ZRANB3: variants seen among roughly 807,000 people sequenced by gnomAD.
The protein encoded by ZRANB3 is DNA annealing helicase and endonuclease ZRANB3.
Under a neutral mutation model 133.8 loss-of-function variants are expected in ZRANB3, and 125 were observed. That is an observed-to-expected ratio of 0.93 (90% CI 0.81 to 1.08). The LOEUF (loss-of-function observed/expected upper bound fraction) is 1.08, where lower values mean the gene tolerates loss of function less well. ZRANB3 is among the 50% of genes least tolerant of loss of function. The probability of loss-of-function intolerance (pLI) is 0.00; values close to 1 mark genes in which losing one functional copy is unlikely to be tolerated. For synonymous variants in ZRANB3, 387 were observed against 432.7 expected (o/e 0.89, Z 1.31); for missense variants, 1,229 against 1,275.5 (o/e 0.96, Z 0.56).
chr2:135,436,227 T>G (rs1282707614), intron 2 of ZRANB3, among the ~76,000 whole-genome samples: 1 of 152,204 alleles, frequency 6.6e-6, no homozygotes, highest in South Asian at 2.1e-4. Flanking sequence ...CAGCACCATT[T>G]ATTGAACAGG....
intron 2 of ZRANB3, among the ~76,000 whole-genome samples, chr2:135,496,869 T>C (rs1234109818): frequency 6.6e-6 from 1 of 152,192 alleles, no homozygotes; most frequent in Non-Finnish European, 1.5e-5. Context: ...CTTCGCTTTG[T>C]TTAGAATGTC....
At chr2:135,479,807 A>G (rs962477262) in intron 2 of ZRANB3, among the ~76,000 whole-genome samples, 1 of 152,158 alleles carries the variant, frequency 6.6e-6, no homozygotes, top group African/African-American at 2.4e-5. Flanking sequence ...CTACAAATCA[A>G]ATTAATACTA....
chr2:135,288,482 C>T (rs2084453), intron 8 of ZRANB3, among the ~76,000 whole-genome samples: 9,455 of 151,790 alleles, frequency 0.062, 575 homozygotes, highest in African/African-American at 0.16. Flanking sequence ...CTTTATCTTT[C>T]GGAACAGTTT....
In ZRANB3 at chr2:135,253,053, T is replaced by C. The variant is rs139802918; in HGVS notation, c.1539+12481A>G. ...ATCCTTGACAAAGGGGCTTTATACATACCAATAGCCTCATGAATAAAAAGG... is the reference window on the plus strand; with the variant it reads ...ATCCTTGACAAAGGGGCTTTATACACACCAATAGCCTCATGAATAAAAAGG... On this transcript the variant is annotated intron_variant, in intron 12 of 20. Transcript: ENST00000264159. Among the ~76,000 whole-genome samples the C allele has an allele frequency of 5.6e-3, 850 of 152,326 alleles. 4 individuals are homozygous for C. The highest frequency in any genetic ancestry group is 0.011 in the South Asian group (53 of 4,824).
chr2:135,368,992 TGTAAAC>T (rs1686057079), intron 3 of ZRANB3, among the ~76,000 whole-genome samples: 1 of 152,016 alleles, frequency 6.6e-6, no homozygotes, highest in Non-Finnish European at 1.5e-5. Flanking sequence ...TCATTTTGCC[TGTAAAC>T]TCACTTAGGA....
chr2:135,437,745 C>T (rs1417128735), intron 2 of ZRANB3, among the ~76,000 whole-genome samples: 1 of 152,144 alleles, frequency 6.6e-6, no homozygotes, highest in African/African-American at 2.4e-5. Context: ...CATCCTATTG[C>T]TACAAAATAT....
chr2:135,221,196 C>A (rs1341322975), intron 15 of ZRANB3, among the ~76,000 whole-genome samples: 1 of 152,102 alleles, frequency 6.6e-6, no homozygotes, highest in African/African-American at 2.4e-5. Flanking sequence ...AAGCTTTCAT[C>A]TCAGCTCTAC....
intron 12 of ZRANB3, among the ~76,000 whole-genome samples, chr2:135,240,220 T>C (rs1695492040): frequency 6.6e-6 from 1 of 152,136 alleles, no homozygotes. Context: ...CGTGCGCCTG[T>C]AGTCCTAGCT....
intron 2 of ZRANB3, among the ~76,000 whole-genome samples, chr2:135,498,530 T>C (rs1173269625): frequency 2.0e-5 from 3 of 152,114 alleles, no homozygotes; most frequent in Admixed American, 6.5e-5. Flanking sequence ...ACTGCACAAA[T>C]TGTTTAAACA....
At chr2:135,403,650 C>T (rs1189686729) in intron 2 of ZRANB3, among the ~76,000 whole-genome samples, 4 of 152,230 alleles carry the variant, frequency 2.6e-5, no homozygotes, top group African/African-American at 9.6e-5. Context: ...AGATAGACTG[C>T]CTCCTCAAGT....
At chr2:135,320,039 T>TC (rs1275004094) in intron 6 of ZRANB3, among the ~76,000 whole-genome samples, 6 of 151,984 alleles carry the variant, frequency 3.9e-5, no homozygotes, top group South Asian at 2.1e-4. Flanking sequence ...TTCTTTTTTT[T>TC]CCCCCCAAGA....
chr2:135,481,063 C>T (rs900450616), intron 2 of ZRANB3, among the ~76,000 whole-genome samples: 6 of 152,018 alleles, frequency 3.9e-5, no homozygotes, highest in East Asian at 3.9e-4. Flanking sequence ...TGAATAATGC[C>T]GCAATAAACA....
intron 2 of ZRANB3, among the ~76,000 whole-genome samples, chr2:135,398,972 T>C (rs1427406381): frequency 6.6e-6 from 1 of 152,244 alleles, no homozygotes; most frequent in Non-Finnish European, 1.5e-5. Flanking sequence ...ATCTTTGGCT[T>C]GTCATAGTTG....
At chr2:135,442,292 C>T (rs1689815264) in intron 2 of ZRANB3, among the ~76,000 whole-genome samples, 1 of 152,080 alleles carries the variant, frequency 6.6e-6, no homozygotes, top group African/African-American at 2.4e-5. Context: ...TTGCAATCTA[C>T]CCATCTGAAA....
Position 135,446,571 on chromosome 2 carries a change from G to A in ZRANB3, c.162-55751C>T, listed in dbSNP as rs534501724. 5.9e-5 allele frequency among the ~76,000 whole-genome samples: 9 copies of A among 152,268 alleles called. No individual in the cohort carries two copies. In the South Asian group the frequency reaches 1.7e-3, roughly 28 times the overall value. ...TTTCTCCAACCACCATTAGAAGTAC[G>A]GGCATACAGGAACAAGCTTGATGAA... On this transcript the variant is annotated intron_variant, in intron 2 of 20. Coordinates refer to ENST00000264159, the MANE Select transcript of ZRANB3 (RefSeq NM_032143.4).
intron 17 of ZRANB3, among the ~76,000 whole-genome samples, chr2:135,212,445 A>G (rs1694130669): frequency 1.3e-5 from 2 of 152,208 alleles, no homozygotes; most frequent in South Asian, 4.1e-4. Flanking sequence ...TAAAAACCTA[A>G]TTCAGTAACT....
chr2:135,463,194 CATATAA>C (rs1690837715), intron 2 of ZRANB3, among the ~76,000 whole-genome samples: 1 of 152,104 alleles, frequency 6.6e-6, no homozygotes, highest in Non-Finnish European at 1.5e-5. Flanking sequence ...CTAAAAATTA[CATATAA>C]ATATATCTCC....
chr2:135,355,324 T>G, intron 3 of ZRANB3: 4 of 935,458 alleles, frequency 4.3e-6, no homozygotes, highest in Non-Finnish European at 5.1e-6. Flanking sequence ...GGGAACAACT[T>G]GGTTCCAATA....
At chr2:135,430,835 C>T (rs1450353092) in intron 2 of ZRANB3, among the ~76,000 whole-genome samples, 4 of 152,112 alleles carry the variant, frequency 2.6e-5, no homozygotes, top group East Asian at 1.9e-4. Flanking sequence ...TTTCAACAAA[C>T]GGTGACAGAA....
Sources: gnomAD v4.1 joint callset for allele counts (sites outside exome capture counted in the v4.1 genomes callset) on GRCh38, gnomAD v4.1.1 for gene constraint, MANE v1.5 for transcripts, NCBI Gene and HGNC (gene_info 2026-07-23, HGNC 2026-07-21) for gene names.